The following NWD2 variants were observed in gnomAD, a reference collection of about 807,000 sequenced individuals.
NWD2 encodes NACHT and WD repeat domain-containing protein 2.
In NWD2, 37 loss-of-function variants were observed where a neutral mutation model predicts 132.7. The observed-to-expected ratio is 0.28, with a 90% CI of 0.21 to 0.37. The LOEUF is 0.37. Ranked by LOEUF, NWD2 falls within the 10% of genes least tolerant of loss-of-function variation. The probability of loss-of-function intolerance (pLI) is 1.00; values close to 1 mark genes in which losing one functional copy is unlikely to be tolerated. For missense variants in NWD2, 1,592 were observed against 2,122.4 expected (o/e 0.75, Z 4.91); for synonymous variants, 705 against 803.0 (o/e 0.88, Z 2.06).
intron 1 of NWD2, among the ~76,000 whole-genome samples, chr4:37,297,415 A>G (rs1016296246): frequency 6.6e-6 from 1 of 152,190 alleles, no homozygotes; most frequent in Non-Finnish European, 1.5e-5. Flanking sequence ...ACCTGCCGAT[A>G]TGGAAGACTG....
At chr4:37,323,666 G>A (rs1418297721) in intron 1 of NWD2, among the ~76,000 whole-genome samples, 2 of 152,078 alleles carry the variant, frequency 1.3e-5, no homozygotes, top group Admixed American at 6.6e-5. Context: ...GCTACCATTC[G>A]ACCCAGCAAT....
At chr4:37,305,401 A>G (rs1326570437) in intron 1 of NWD2, among the ~76,000 whole-genome samples, 1 of 152,164 alleles carries the variant, frequency 6.6e-6, no homozygotes, top group African/African-American at 2.4e-5. Flanking sequence ...TCTCCAGAAA[A>G]TAGGTCTTTC....
intron 1 of NWD2, among the ~76,000 whole-genome samples, chr4:37,271,244 A>C (rs1717866110): frequency 6.6e-6 from 1 of 151,806 alleles, no homozygotes; most frequent in Non-Finnish European, 1.5e-5. Flanking sequence ...TTTTCCATGT[A>C]AATATTAAAA....
At chr4:37,406,707 G>A (rs1418398642) in intron 3 of NWD2, among the ~76,000 whole-genome samples, 1 of 152,122 alleles carries the variant, frequency 6.6e-6, no homozygotes, top group African/African-American at 2.4e-5. Flanking sequence ...AGACCCGCCT[G>A]ACCAACATGG....
chr4:37,322,242 G>A (rs2109286168), intron 1 of NWD2, among the ~76,000 whole-genome samples: 1 of 152,198 alleles, frequency 6.6e-6, no homozygotes, highest in East Asian at 1.9e-4. Context: ...ATTTTAGTGA[G>A]GGAGGCACAC....
chr4:37,422,761 T>C (rs1711860568), intron 3 of NWD2, among the ~76,000 whole-genome samples: 1 of 152,322 alleles, frequency 6.6e-6, no homozygotes, highest in South Asian at 2.1e-4. Flanking sequence ...TTTATCTCTG[T>C]TAACAAATAT....
intron 1 of NWD2, among the ~76,000 whole-genome samples, chr4:37,293,977 T>G (rs1241177405): frequency 6.6e-6 from 1 of 151,894 alleles, no homozygotes. Flanking sequence ...AAAGCATAAT[T>G]AAAGCGTTAT....
At chr4:37,360,572 G>A (rs1719962576) in intron 3 of NWD2, among the ~76,000 whole-genome samples, 4 of 152,166 alleles carry the variant, frequency 2.6e-5, no homozygotes, top group Admixed American at 2.0e-4. Context: ...CCCTAGCAGG[G>A]AGACAAATCA....
chr4:37,422,632 A>T (rs1334734621), intron 3 of NWD2, among the ~76,000 whole-genome samples: 3 of 152,216 alleles, frequency 2.0e-5, no homozygotes, highest in African/African-American at 7.2e-5. Flanking sequence ...ATGTTTATAT[A>T]GTGCTACTTT....
intron 3 of NWD2, among the ~76,000 whole-genome samples, chr4:37,383,019 AGT>A (rs1299360467): frequency 6.6e-6 from 1 of 152,124 alleles, no homozygotes; most frequent in Admixed American, 6.6e-5. Flanking sequence ...CTGAGCTGAA[AGT>A]GCTGTTGTTG....
Position 37,244,995 on chromosome 4 carries a change from C to T in NWD2, c.-73C>T. ...AGATCGACCGCCTGCTGAGCCGTTC[C>T]GTGGAGCTGCGGGCAGGAACCCGAG... On this transcript the variant is annotated 5_prime_UTR_variant, in exon 1 of 7. Transcript: ENST00000309447. The surrounding 1 kb of genome is among the most constrained non-coding windows in gnomAD (Gnocchi z 5.5). The T allele has an allele frequency of 2.6e-6, 4 of 1,527,676 alleles. No homozygotes were observed. The highest frequency in any genetic ancestry group is 3.5e-6 in the Non-Finnish European group (4 of 1,139,724). The allele number at this position is 1,527,676 out of a possible 1,614,324, so 94.6% of individuals were successfully genotyped here. A position where few individuals can be genotyped will look rare whatever the true frequency, so the allele number is the denominator to read the frequency against.
chr4:37,387,889 G>T (rs1474451296), intron 3 of NWD2, among the ~76,000 whole-genome samples: 1 of 151,714 alleles, frequency 6.6e-6, no homozygotes, highest in Admixed American at 6.6e-5. Context: ...GGCCAGGCTG[G>T]TCTTGAGCTC....
chr4:37,417,442 T>C (rs1711654280), intron 3 of NWD2, among the ~76,000 whole-genome samples: 1 of 152,196 alleles, frequency 6.6e-6, no homozygotes, highest in Non-Finnish European at 1.5e-5. Flanking sequence ...TTTATATATA[T>C]GGAATTTGCT....
chr4:37,309,325 T>C (rs1229279546), intron 1 of NWD2, among the ~76,000 whole-genome samples: 1 of 152,056 alleles, frequency 6.6e-6, no homozygotes, highest in Non-Finnish European at 1.5e-5. Context: ...ATGCTTTGGC[T>C]CCCTCTGTCT....
chr4:37,416,894 A>G (rs1327710252), intron 3 of NWD2, among the ~76,000 whole-genome samples: 1 of 151,586 alleles, frequency 6.6e-6, no homozygotes, highest in Non-Finnish European at 1.5e-5. Flanking sequence ...GAGCTAAGTT[A>G]TGAGGATGCA....
intron 3 of NWD2, among the ~76,000 whole-genome samples, chr4:37,409,457 G>A (rs1252718414): frequency 6.6e-6 from 1 of 151,608 alleles, no homozygotes; most frequent in Non-Finnish European, 1.5e-5. Flanking sequence ...ACAAGATTAT[G>A]GAAAAAAAAT....
At chr4:37,281,250 C>T (rs1718122264) in intron 1 of NWD2, among the ~76,000 whole-genome samples, 1 of 152,150 alleles carries the variant, frequency 6.6e-6, no homozygotes, top group Non-Finnish European at 1.5e-5. Context: ...TGGTAAACTA[C>T]CCAGTGGGTG....
chr4:37,421,928 A>T (rs1210449158), intron 3 of NWD2, among the ~76,000 whole-genome samples: 1 of 152,164 alleles, frequency 6.6e-6, no homozygotes, highest in Non-Finnish European at 1.5e-5. Flanking sequence ...TGTCTTTCAG[A>T]CTAGAATAAG....
chr4:37,415,702 T>TAA (rs10684720), intron 3 of NWD2, among the ~76,000 whole-genome samples: 18,022 of 118,160 alleles, frequency 0.15, 1,471 homozygotes, highest in East Asian at 0.28. Context: ...AGACTCCGTC[T>TAA]AAAAAAAAAA....
Sources: allele counts gnomAD v4.1 joint callset (sites outside exome capture counted in the v4.1 genomes callset), GRCh38; gene constraint gnomAD v4.1.1; non-coding constraint Gnocchi (gnomAD v3.1); transcripts MANE v1.5; gene names NCBI Gene and HGNC (gene_info 2026-07-23, HGNC 2026-07-21).